Variants in NT5E observed in about 807,000 individuals in gnomAD.
NT5E encodes 5'-nucleotidase.
Under a neutral mutation model 55.1 loss-of-function variants are expected in NT5E, and 53 were observed. That is an observed-to-expected ratio of 0.96 (90% CI 0.77 to 1.21). The LOEUF is 1.21. Ranked by LOEUF, NT5E falls within the 50% of genes most tolerant of loss-of-function variation. The probability of loss-of-function intolerance (pLI) is 0.00; values close to 1 mark genes in which losing one functional copy is unlikely to be tolerated. For missense variants in NT5E, 683 were observed against 724.3 expected, an observed-to-expected ratio of 0.94 and a Z score of 0.65; for synonymous variants, 270 against 278.4, an observed-to-expected ratio of 0.97 and a Z score of 0.30.
chr6:85,454,164 A>G (rs1278943900), intron 1 of NT5E, among the ~76,000 whole-genome samples: 1 of 152,180 alleles, frequency 6.6e-6, no homozygotes, highest in African/African-American at 2.4e-5. Context: ...TCCACAAATA[A>G]TGCTGCTCCA....
At chr6:85,466,606 G>A (rs527675316) in intron 1 of NT5E, among the ~76,000 whole-genome samples, 5 of 152,314 alleles carry the variant, frequency 3.3e-5, no homozygotes, top group African/African-American at 9.6e-5. Context: ...AATGAGGAAG[G>A]AGGCCTTTGG....
In NT5E at chr6:85,495,550, T is replaced by C. The variant is rs1440135625; in HGVS notation, c.*1546T>C. ...AATAATAGCCTCGGTTCTATGCATA[T>C]ATGGATTAGCTATAAAAAATGTCAA... is the stretch of plus-strand genomic sequence containing the variant. On this transcript the variant is annotated 3_prime_UTR_variant, in exon 9 of 9. Coordinates refer to ENST00000257770, the MANE Select transcript of NT5E (RefSeq NM_002526.4). 3.3e-5 allele frequency: 5 copies of C among 152,218 alleles called. No homozygotes were observed. The highest frequency in any genetic ancestry group is 7.3e-5 in the Non-Finnish European group (5 of 68,032). The allele number at this position is 152,218 out of a possible 1,614,324, so 9.4% of individuals were successfully genotyped here. A position where few individuals can be genotyped will look rare whatever the true frequency, so the allele number is the denominator to read the frequency against.
chr6:85,466,944 G>A, intron 1 of NT5E, 116 bp from the exon 2 acceptor site: 1 of 976,240 alleles, frequency 1.0e-6, no homozygotes. Context: ...ACCCAGGTGA[G>A]GAGGACACAA....
At chr6:85,479,452 A>G (rs1334858359) in intron 3 of NT5E, among the ~76,000 whole-genome samples, 1 of 152,072 alleles carries the variant, frequency 6.6e-6, no homozygotes, top group African/African-American at 2.4e-5. Flanking sequence ...ATTCCAGATG[A>G]CCTCCAGGTT....
chr6:85,450,190 C>T lies in NT5E; in HGVS notation c.51C>T (p.Gly17=), dbSNP rs1272388415. Reference sequence around the variant, plus strand: ...CCGCGACGCTACTCCTCGCCCTGGGCGCGGTGCTGTGGCCTGCGGCTGGCG... The same window carrying T: ...CCGCGACGCTACTCCTCGCCCTGGGTGCGGTGCTGTGGCCTGCGGCTGGCG... ...RAPATLLLAL[G]AVLWPAAGAW... Residue 17 remains glycine, a synonymous_variant, in exon 1 of 9, where the codon GGC becomes GGT. Transcript: ENST00000257770. This position sits in a 1 kb window ranked among gnomAD's most constrained non-coding sequence, Gnocchi z 4.0. 6.2e-7 allele frequency: 1 copy of T among 1,608,216 alleles called. No homozygotes were observed. The highest frequency in any genetic ancestry group is 8.5e-7 in the Non-Finnish European group (1 of 1,178,418).
intron 1 of NT5E, among the ~76,000 whole-genome samples, chr6:85,465,314 C>G (rs1349243792): frequency 1.3e-5 from 2 of 152,172 alleles, no homozygotes; most frequent in East Asian, 3.8e-4. Flanking sequence ...AGGTGGCTAA[C>G]AAGTTGGATA....
intron 2 of NT5E, among the ~76,000 whole-genome samples, chr6:85,469,382 G>A (rs991807593): frequency 1.3e-5 from 2 of 152,082 alleles, no homozygotes; most frequent in Admixed American, 6.5e-5. Context: ...TGTGTGCCAG[G>A]CACTGTTTTA....
At chr6:85,461,235 C>A (rs967915708) in intron 1 of NT5E, among the ~76,000 whole-genome samples, 33 of 152,198 alleles carry the variant, frequency 2.2e-4, no homozygotes, top group Admixed American at 2.2e-3. Context: ...TATCCCATTG[C>A]CCCTGGCAGC....
intron 4 of NT5E, 115 bp downstream of exon 4, chr6:85,485,547 G>T: frequency 9.4e-7 from 1 of 1,062,772 alleles, no homozygotes; most frequent in Non-Finnish European, 1.4e-6. Flanking sequence ...TACTGTTGAA[G>T]AATTTAGTTT....
Position 85,471,241 on chromosome 6 carries a change from A to T in NT5E, c.567A>T (p.Thr189=), listed in dbSNP as rs1769297383. The change falls in exon 3 of 9, where the codon ACA becomes ACT. Residue 189 remains threonine, a synonymous_variant. Transcript: ENST00000257770. The part of the protein sequence containing the change: ...KETPFLSNPG[T]NLVFEDEITA... ...TTTATTTATTTTGTTCCTTAGGGACAAATTTAGTGTTTGAAGATGAAATCA... is the reference window on the plus strand; with the variant it reads ...TTTATTTATTTTGTTCCTTAGGGACTAATTTAGTGTTTGAAGATGAAATCA... 6.2e-7 allele frequency: 1 copy of T among 1,604,804 alleles called. No individual in the cohort carries two copies. The highest frequency in any genetic ancestry group is 1.3e-5 in the African/African-American group (1 of 74,940).
At chr6:85,465,153 G>A (rs1394909939) in intron 1 of NT5E, among the ~76,000 whole-genome samples, 2 of 152,200 alleles carry the variant, frequency 1.3e-5, no homozygotes, top group African/African-American at 2.4e-5. Context: ...CATGGGGCAA[G>A]AGAGGTGAAA....
rs775426902 is a variant in NT5E at position 85,450,263 on chromosome 6, G to A, written c.124G>A (p.Glu42Lys). 9 of 1,609,130 alleles carry A rather than the reference G, an allele frequency of 5.6e-6. No homozygotes were observed. In the African/African-American group the frequency reaches 1.2e-4, roughly 21 times the overall value. Residue 42 changes from glutamate (E) to lysine (K), a missense_variant, in exon 1 of 9, where the codon GAG becomes AAG. Physicochemically the swap from Glu to Lys is moderately conservative, Grantham distance 56. Transcript: ENST00000257770. The surrounding 1 kb of genome is among the most constrained non-coding windows in gnomAD (Gnocchi z 4.0). ...CACCAACGACGTGCACAGCCGGCTGGAGCAGACCAGCGAGGACTCCAGCAA... is the reference window on the plus strand; with the variant it reads ...CACCAACGACGTGCACAGCCGGCTGAAGCAGACCAGCGAGGACTCCAGCAA... ...LHTNDVHSRL[E>K]QTSEDSSKCV...
chr6:85,467,434 T>G, intron 2 of NT5E, 152 bp downstream of exon 2: 1 of 705,170 alleles, frequency 1.4e-6, no homozygotes, highest in Non-Finnish European at 2.5e-6. Flanking sequence ...GTAAATTCTA[T>G]GCTGTTGTTC....
At chr6:85,488,189 G>A (rs1002454530) in intron 5 of NT5E, among the ~76,000 whole-genome samples, 3 of 152,168 alleles carry the variant, frequency 2.0e-5, no homozygotes, top group African/African-American at 7.2e-5. Context: ...TTGTCACCAG[G>A]CGGAATGGCC....
intron 3 of NT5E, among the ~76,000 whole-genome samples, chr6:85,483,094 G>A (rs1234117678): frequency 1.3e-5 from 2 of 152,210 alleles, no homozygotes; most frequent in Non-Finnish European, 2.9e-5. Context: ...GCATCTGACC[G>A]GATTACTGGA....
chr6:85,488,661 ACCT>A (rs1769718405), intron 5 of NT5E, among the ~76,000 whole-genome samples: 1 of 151,786 alleles, frequency 6.6e-6, no homozygotes, highest in Non-Finnish European at 1.5e-5. Context: ...GCTCACTGCA[ACCT>A]CCGTCCCTTG....
chr6:85,456,024 T>A (rs1171721897), intron 1 of NT5E, among the ~76,000 whole-genome samples: 2 of 152,090 alleles, frequency 1.3e-5, no homozygotes, highest in African/African-American at 2.4e-5. Context: ...GACTAGAGGG[T>A]TAGAACTTTC....
intron 3 of NT5E, among the ~76,000 whole-genome samples, chr6:85,479,746 C>T (rs1318331212): frequency 6.6e-6 from 1 of 151,436 alleles, no homozygotes; most frequent in Non-Finnish European, 1.5e-5. Context: ...GAAAATTAGT[C>T]TCTCTCTCTC....
intron 1 of NT5E, among the ~76,000 whole-genome samples, chr6:85,453,997 T>C (rs756549751): frequency 4.6e-5 from 7 of 152,238 alleles, no homozygotes; most frequent in Non-Finnish European, 8.8e-5. Flanking sequence ...ACTTTTGTCC[T>C]GAACTTATTG....
Sources: gnomAD v4.1 joint callset for allele counts (sites outside exome capture counted in the v4.1 genomes callset) on GRCh38, gnomAD v4.1.1 for gene constraint, Gnocchi (gnomAD v3.1) non-coding constraint, MANE v1.5 for transcripts, NCBI Gene and HGNC (gene_info 2026-07-23, HGNC 2026-07-21) for gene names.